Variants in C3orf70 observed in about 807,000 individuals in gnomAD.
C3orf70 encodes the protein chromosome 3 open reading frame 70, also known as UPF0524 protein C3orf70.
C3orf70 carries 15 observed loss-of-function variants against 20.7 expected under a neutral mutation model. The observed-to-expected ratio is 0.72, with a 90% confidence interval of 0.48 to 1.11. The LOEUF (loss-of-function observed/expected upper bound fraction) is 1.11, where lower values mean the gene tolerates loss of function less well. C3orf70 is among the 50% of genes most tolerant of loss of function. C3orf70 has a pLI of 0.00. For missense variants in C3orf70, 332 were observed against 317.6 expected (o/e 1.05, Z -0.34); for synonymous variants, 161 against 125.7 (o/e 1.28, Z -1.88).
At position 185,077,796 on chromosome 3, in the gene C3orf70, G is replaced by GGT. The variant is rs140474917; in HGVS notation, c.*5210_*5211insAC. 2.5e-4 allele frequency among the ~76,000 whole-genome samples: 37 copies of GGT among 150,798 alleles called. 2 individuals are homozygous for GGT. The East Asian group carries it at 5.5e-3, about 22-fold the overall frequency. On this transcript the variant is annotated 3_prime_UTR_variant, in exon 2 of 2. Coordinates refer to ENST00000335012, the MANE Select transcript of C3orf70 (RefSeq NM_001025266.3). ...AATGCTATTTGGTGGTGGTGGGGGG[G>GGT]GGGTATCAAGTTTTATTTGCTATAA...
chr3:185,150,178 G>GT (rs1211124197), intron 1 of C3orf70, among the ~76,000 whole-genome samples: 3 of 152,140 alleles, frequency 2.0e-5, no homozygotes, highest in Admixed American at 6.5e-5. Context: ...AGGTGGCTAG[G>GT]TAATTGTTTG....
chr3:185,146,432 AATGTGCCACCACACCCAGCTAGTTTTTGT>A (rs1202643121), intron 1 of C3orf70, among the ~76,000 whole-genome samples: 2 of 151,578 alleles, frequency 1.3e-5, no homozygotes, highest in Non-Finnish European at 1.5e-5. Context: ...GGATTACAGG[AATGTGCCACCACACCCAGCTAGTTTTTGT>A]ATTTTTAGTA....
chr3:185,091,552 G>A (rs1393103633), intron 1 of C3orf70, among the ~76,000 whole-genome samples: 1 of 152,034 alleles, frequency 6.6e-6, no homozygotes, highest in Non-Finnish European at 1.5e-5. Flanking sequence ...TTAAGCATGA[G>A]GTTCTAAGTC....
At chr3:185,129,016 T>C (rs1162870658) in intron 1 of C3orf70, among the ~76,000 whole-genome samples, 1 of 152,242 alleles carries the variant, frequency 6.6e-6, no homozygotes, top group Non-Finnish European at 1.5e-5. Context: ...TCTATTTCTC[T>C]TTAAAAGCTC....
rs1422580197 is a variant in C3orf70 at position 185,083,215 on chromosome 3, G to A, written c.545C>T (p.Ser182Phe). The A allele has an allele frequency of 5.0e-6, 8 of 1,614,070 alleles. No individual in the cohort carries two copies. Among genetic ancestry groups the A allele is most frequent in the African/African-American group, 1.3e-5 (1 of 74,922 alleles). Residue 182 changes from serine to phenylalanine, a missense_variant, in exon 2 of 2, where the codon TCT becomes TTT. Transcript: ENST00000335012. ...ESNTPKIDHC[S>F]SPSSSEDSGI... ...AGAGTCCTCAGAACTTGAGGGAGAA[G>A]AGCAGTGATCTATTTTTGGTGTATT...
intron 1 of C3orf70, among the ~76,000 whole-genome samples, chr3:185,146,271 C>T (rs1380494600): frequency 7.1e-6 from 1 of 141,686 alleles, no homozygotes; most frequent in African/African-American, 2.6e-5. Context: ...AAAGTTACAA[C>T]TCTCATTTTT....
intron 1 of C3orf70, among the ~76,000 whole-genome samples, chr3:185,146,255 C>T (rs1716872343): frequency 6.7e-6 from 1 of 150,304 alleles, no homozygotes; most frequent in South Asian, 2.1e-4. Flanking sequence ...CCTTCAATCA[C>T]TAGACAAAGT....
chr3:185,093,326 T>G (rs1358541768), intron 1 of C3orf70, among the ~76,000 whole-genome samples: 1 of 152,214 alleles, frequency 6.6e-6, no homozygotes, highest in African/African-American at 2.4e-5. Context: ...AACATTTCTG[T>G]AAGTGCCATA....
At chr3:185,146,603 GA>G (rs1277276288) in intron 1 of C3orf70, among the ~76,000 whole-genome samples, 1 of 151,988 alleles carries the variant, frequency 6.6e-6, no homozygotes, top group African/African-American at 2.4e-5. Flanking sequence ...CTCATTCTTA[GA>G]AAAAAACTTT....
rs186935340 is a variant in C3orf70 at position 185,145,825 on chromosome 3, A to G, written c.196+6803T>C. ...GCAAACACATACGAAAAGATTACAAAAAGTTATGTGCCTGCACATAGCCAT... is the reference window on the plus strand; with the variant it reads ...GCAAACACATACGAAAAGATTACAAGAAGTTATGTGCCTGCACATAGCCAT... On this transcript the variant is annotated intron_variant, in intron 1 of 1. Transcript: ENST00000335012. 7.7e-4 allele frequency among the ~76,000 whole-genome samples: 117 copies of G among 152,360 alleles called. No individual in the cohort carries two copies. In the Middle Eastern group the frequency reaches 0.017, roughly 22 times the overall value.
At chr3:185,097,414 G>C (rs1329199770) in intron 1 of C3orf70, among the ~76,000 whole-genome samples, 1 of 152,152 alleles carries the variant, frequency 6.6e-6, no homozygotes, top group Non-Finnish European at 1.5e-5. Flanking sequence ...AAATAACTAA[G>C]TGAAGCCAAG....
intron 1 of C3orf70, among the ~76,000 whole-genome samples, chr3:185,115,841 C>T (rs531661888): frequency 3.3e-5 from 5 of 152,294 alleles, no homozygotes; most frequent in Admixed American, 6.5e-5. Flanking sequence ...GCAAAAAGAG[C>T]GCTAAAGAGA....
At chr3:185,120,708 CA>C (rs1289396927) in intron 1 of C3orf70, among the ~76,000 whole-genome samples, 4 of 136,806 alleles carry the variant, frequency 2.9e-5, no homozygotes, top group Non-Finnish European at 6.1e-5. Context: ...GGTCATAATC[CA>C]AAACTAAAAA....
chr3:185,085,555 A>G (rs778875266), intron 1 of C3orf70, among the ~76,000 whole-genome samples: 5 of 152,304 alleles, frequency 3.3e-5, no homozygotes, highest in African/African-American at 1.2e-4. Flanking sequence ...GACGTACCTC[A>G]TGCAAACCCC....
intron 1 of C3orf70, among the ~76,000 whole-genome samples, chr3:185,108,851 C>A (rs796321922): frequency 1.3e-5 from 2 of 152,212 alleles, no homozygotes; most frequent in South Asian, 4.1e-4. Context: ...TATGTGTGGA[C>A]ACCTTTTCTC....
intron 1 of C3orf70, among the ~76,000 whole-genome samples, chr3:185,122,794 A>G (rs1162117483): frequency 2.0e-5 from 3 of 151,536 alleles, no homozygotes; most frequent in African/African-American, 7.3e-5. Flanking sequence ...AGGAAAGAAC[A>G]AATACAAAAG....
chr3:185,086,974 G>A, intron 1 of C3orf70, among the ~76,000 whole-genome samples: 1 of 152,174 alleles, frequency 6.6e-6, no homozygotes, highest in Admixed American at 6.5e-5. Flanking sequence ...TCCAGTCCCT[G>A]ATAACTTATA....
intron 1 of C3orf70, among the ~76,000 whole-genome samples, chr3:185,135,327 TATA>T (rs1716600378): frequency 6.6e-6 from 1 of 151,998 alleles, no homozygotes; most frequent in Non-Finnish European, 1.5e-5. Flanking sequence ...AGACAAGAAG[TATA>T]AAGAACCAGG....
intron 1 of C3orf70, among the ~76,000 whole-genome samples, chr3:185,149,719 G>C (rs1259314983): frequency 1.3e-5 from 2 of 152,196 alleles, no homozygotes; most frequent in African/African-American, 4.8e-5. Flanking sequence ...TTGTAACAGA[G>C]CACCTAGCTG....
Sources: gnomAD v4.1 joint callset for allele counts (sites outside exome capture counted in the v4.1 genomes callset) on GRCh38, gnomAD v4.1.1 for gene constraint, MANE v1.5 for transcripts, NCBI Gene and HGNC (gene_info 2026-07-23, HGNC 2026-07-21) for gene names.